Variants in DENND2B observed in about 807,000 individuals in gnomAD.
The protein encoded by DENND2B is DENN domain containing 2B.
DENND2B carries 32 observed loss-of-function variants against 116.0 expected under a neutral mutation model. That is an observed-to-expected ratio of 0.28 (90% CI 0.21 to 0.37). The LOEUF (loss-of-function observed/expected upper bound fraction) is 0.37. Among genes scored for constraint, DENND2B ranks in the 10% least tolerant of loss-of-function variants. The pLI, the probability that DENND2B is intolerant of heterozygous loss-of-function variation, is 1.00. For missense variants in DENND2B, 1,276 were observed against 1,477.7 expected, an observed-to-expected ratio of 0.86 and a Z score of 2.24; for synonymous variants, 588 against 583.9, an observed-to-expected ratio of 1.01 and a Z score of -0.10.
At chr11:8,856,539 T>C (rs1594259434) in intron 3 of DENND2B, among the ~76,000 whole-genome samples, 1 of 152,300 alleles carries the variant, frequency 6.6e-6, no homozygotes, top group East Asian at 1.9e-4. Context: ...TCCAAAGCAT[T>C]TGTGGGCCCA....
Position 8,820,268 on chromosome 11 carries a change from A to C in DENND2B, c.-114-8933T>G, listed in dbSNP as rs537244652. On this transcript the variant is annotated intron_variant, in intron 4 of 6. Transcript: ENST00000524757. ...TATATATCACATATATTACCCATAG[A>C]AAACAGTCTGTGTTAAAATAAAAAT... Among the ~76,000 whole-genome samples, 166 of 152,334 alleles carry C rather than the reference A, an allele frequency of 1.1e-3. 1 individual carries two copies. The highest frequency in any genetic ancestry group is 3.8e-3 in the African/African-American group (157 of 41,580).
chr11:8,696,301 A>G lies in DENND2B; in HGVS notation c.3292+126T>C. On this transcript the variant is annotated intron_variant, in intron 18 of 19. Transcript: ENST00000313726. Reference sequence around the variant, plus strand: ...AGAATGCTACCTTGAAGTTTCTAACAGAGGTAAAGGGATGTTAAGAGGCCT... The same window carrying G: ...AGAATGCTACCTTGAAGTTTCTAACGGAGGTAAAGGGATGTTAAGAGGCCT... The G allele has an allele frequency of 2.2e-6, 3 of 1,387,908 alleles. No homozygotes were observed. In the South Asian group the frequency reaches 4.2e-5, roughly 19 times the overall value. 86.0% of individuals were successfully genotyped at this position (1,387,908 alleles called of 1,614,324 possible).
intron 11 of DENND2B, among the ~76,000 whole-genome samples, chr11:8,710,276 G>T (rs981151033): frequency 2.6e-5 from 4 of 152,088 alleles, no homozygotes; most frequent in African/African-American, 7.2e-5. Context: ...TTACAAAATG[G>T]CTAACATTTT....
At chr11:8,888,649 G>A (rs1373709504) in intron 1 of DENND2B, among the ~76,000 whole-genome samples, 1 of 152,142 alleles carries the variant, frequency 6.6e-6, no homozygotes, top group East Asian at 1.9e-4. Context: ...CCCACAGAAT[G>A]AGAGATATTT....
chr11:8,694,616 C>T (rs1212501216), intron 19 of DENND2B: 6 of 456,324 alleles, frequency 1.3e-5, no homozygotes, highest in Non-Finnish European at 2.6e-5. Context: ...TCCTCCATAT[C>T]CATGAGTTCT....
At chr11:8,842,544 C>T (rs891416895) in intron 3 of DENND2B, among the ~76,000 whole-genome samples, 6 of 152,096 alleles carry the variant, frequency 3.9e-5, no homozygotes, top group East Asian at 3.9e-4. Flanking sequence ...TGTGTGGTAT[C>T]GACTCGACCC....
chr11:8,852,988 T>C (rs1173946317), intron 3 of DENND2B, among the ~76,000 whole-genome samples: 1 of 152,108 alleles, frequency 6.6e-6, no homozygotes, highest in Non-Finnish European at 1.5e-5. Flanking sequence ...AACCCCAAGG[T>C]GATGGTATTA....
chr11:8,697,925 A>G (rs758730506), intron 16 of DENND2B: 56 of 499,722 alleles, frequency 1.1e-4, no homozygotes, highest in Non-Finnish European at 2.1e-4. Context: ...CCCAGGAGGG[A>G]GTTCGAGACC....
At chr11:8,877,000 C>T (rs558190379) in intron 2 of DENND2B, among the ~76,000 whole-genome samples, 1 of 151,700 alleles carries the variant, frequency 6.6e-6, no homozygotes, top group South Asian at 2.1e-4. Flanking sequence ...TTTAGACGGA[C>T]AGGAGACAAG....
rs1323325733 is a variant in DENND2B, at chr11:8,701,351, G to A, written c.2720+1221C>T. ...GATGGGAAGGCCAGCTTCCGGGGGG[G>A]GGGGGGGGAGGGGCTACATGAATGA... is the stretch of plus-strand genomic sequence containing the variant. On this transcript the variant is annotated intron_variant, in intron 14 of 19. Coordinates refer to ENST00000313726, the MANE Select transcript of DENND2B (RefSeq NM_213618.2). Among the ~76,000 whole-genome samples the A allele has an allele frequency of 6.8e-4, 52 of 76,016 alleles. 9 individuals carry two copies. The highest frequency in any genetic ancestry group is 3.4e-3 in the Admixed American group (30 of 8,748). 49.9% of individuals were successfully genotyped at this position (76,016 alleles called of 152,430 possible).
intron 1 of DENND2B, among the ~76,000 whole-genome samples, chr11:8,775,468 A>G (rs573006763): frequency 1.3e-5 from 2 of 152,082 alleles, no homozygotes; most frequent in South Asian, 4.2e-4. Flanking sequence ...ACAGGTTGTA[A>G]CCCCTCAAAG....
chr11:8,831,156 G>C (rs2062189110), intron 4 of DENND2B, among the ~76,000 whole-genome samples: 1 of 152,178 alleles, frequency 6.6e-6, no homozygotes, highest in Admixed American at 6.5e-5. Context: ...TGGCTGACCA[G>C]CCCATTCTTA....
At chr11:8,806,853 T>C (rs920416521) in intron 1 of DENND2B, among the ~76,000 whole-genome samples, 6 of 151,440 alleles carry the variant, frequency 4.0e-5, no homozygotes, top group Non-Finnish European at 8.8e-5. Flanking sequence ...CACACACTAA[T>C]GCAAGTTTTC....
chr11:8,825,486 T>G (rs528463315), intron 4 of DENND2B, among the ~76,000 whole-genome samples: 1 of 152,174 alleles, frequency 6.6e-6, no homozygotes, highest in Non-Finnish European at 1.5e-5. Flanking sequence ...TGTTAAGGAT[T>G]TTTGCATCTA....
intron 3 of DENND2B, among the ~76,000 whole-genome samples, chr11:8,841,324 A>C (rs1168680844): frequency 6.6e-6 from 1 of 152,082 alleles, no homozygotes; most frequent in Non-Finnish European, 1.5e-5. Flanking sequence ...CAAATTAAGA[A>C]ACAAACAAAC....
At chr11:8,719,220 C>G in intron 4 of DENND2B, 2 of 985,420 alleles carry the variant, frequency 2.0e-6, no homozygotes, top group Non-Finnish European at 2.4e-6. Flanking sequence ...AAGAGCCAAT[C>G]CCTATATGCT....
intron 2 of DENND2B, among the ~76,000 whole-genome samples, chr11:8,862,520 A>G (rs2063431561): frequency 6.6e-6 from 1 of 151,556 alleles, no homozygotes; most frequent in African/African-American, 2.4e-5. Context: ...ATTTTTGTAG[A>G]GATAGGGGTT....
upstream of DENND2B, among the ~76,000 whole-genome samples, chr11:8,872,485 T>TAA (rs398044981): frequency 8.8e-3 from 904 of 102,862 alleles, 12 homozygotes; most frequent in Non-Finnish European, 0.011. Flanking sequence ...AGACTCCGTC[T>TAA]AAAAAAAAAA....
At position 8,712,611 on chromosome 11, in the gene DENND2B, G is replaced by A. The variant is rs772714053; in HGVS notation, c.2112C>T (p.Ser704=). The change falls in exon 9 of 20, where the codon TCC becomes TCT. Residue 704 remains serine (S), a synonymous_variant. Transcript: ENST00000313726. This position sits in a 1 kb window ranked among gnomAD's most constrained non-coding sequence, Gnocchi z 4.4. ...TGTTTCGCGATGGCTTCTTCTTGAG[G>A]GACACCACCACAAAGTACTCAAAAA... The part of the protein sequence containing the change: ...RELFEYFVVV[S]LKKKPSRNTY... 6.4e-7 allele frequency: 1 copy of A among 1,563,728 alleles called. No individual in the cohort carries two copies. The highest frequency in any genetic ancestry group is 8.7e-7 in the Non-Finnish European group (1 of 1,153,392).
Sources: gnomAD v4.1 joint callset for allele counts (sites outside exome capture counted in the v4.1 genomes callset) on GRCh38, gnomAD v4.1.1 for gene constraint, Gnocchi (gnomAD v3.1) non-coding constraint, MANE v1.5 for transcripts, NCBI Gene and HGNC (gene_info 2026-07-23, HGNC 2026-07-21) for gene names.